The following PPP2R2B variants were observed in gnomAD, a reference collection of about 807,000 sequenced individuals.
PPP2R2B encodes the protein serine/threonine-protein phosphatase 2A 55 kDa regulatory subunit B beta isoform.
PPP2R2B carries 5 observed loss-of-function variants against 46.0 expected under a neutral mutation model. The ratio of observed to expected loss-of-function variants is 0.11; its 90% CI spans 0.06 to 0.23. PPP2R2B has a LOEUF of 0.23. PPP2R2B is among the 10% of genes least tolerant of loss of function. The probability of loss-of-function intolerance (pLI) is 1.00; values close to 1 mark genes in which losing one functional copy is unlikely to be tolerated. For synonymous variants in PPP2R2B, 215 were observed against 206.7 expected (o/e 1.04, Z -0.34); for missense variants, 367 against 575.0 (o/e 0.64, Z 3.70).
intron 2 of PPP2R2B, among the ~76,000 whole-genome samples, chr5:146,874,573 A>G (rs1761791224): frequency 2.6e-5 from 4 of 152,194 alleles, no homozygotes; most frequent in Middle Eastern, 3.2e-3. Context: ...TTCTATTGTT[A>G]TTCCCACTTT....
rs1251652409 is a variant in PPP2R2B, at chr5:146,958,328, A to T, written c.79+97337T>A. Among the ~76,000 whole-genome samples the T allele has an allele frequency of 2.0e-5, 3 of 152,254 alleles. No individual in the cohort carries two copies. In the East Asian group the frequency reaches 5.8e-4, roughly 29 times the overall value. On this transcript the variant is annotated intron_variant, in intron 1 of 8. Transcript: ENST00000336640. ...TTCACACCAAAGCCTTCAATCCCAG[A>T]GAGATCTTTCCATTCCATTTTTGAA... is the stretch of plus-strand genomic sequence containing the variant.
Position 146,878,549 on chromosome 5 carries a change from G to A in PPP2R2B, c.-125+42C>T, listed in dbSNP as rs896110444. On this transcript the variant is annotated intron_variant, in intron 1 of 9. Transcript: ENST00000394411. The surrounding 1 kb of genome is among the most constrained non-coding windows in gnomAD (Gnocchi z 4.5). Reference sequence around the variant, plus strand: ...GACAAAATGGTGCCTTTCTGGACCCGAGCTGCAGTGGCGAGATGGCAGGGA... The same window carrying A: ...GACAAAATGGTGCCTTTCTGGACCCAAGCTGCAGTGGCGAGATGGCAGGGA... 2.9e-5 allele frequency: 36 copies of A among 1,258,144 alleles called. No homozygotes were observed. Among genetic ancestry groups the A allele is most frequent in the Non-Finnish European group, 3.5e-5 (34 of 982,570 alleles). The allele number at this position is 1,258,144 out of a possible 1,614,324, so 77.9% of individuals were successfully genotyped here.
intron 2 of PPP2R2B, among the ~76,000 whole-genome samples, chr5:146,849,256 A>G (rs542097859): frequency 3.3e-5 from 5 of 152,278 alleles, no homozygotes; most frequent in Admixed American, 1.3e-4. Flanking sequence ...TGTGCATATA[A>G]CCCTATGTAT....
chr5:146,609,556 G>A (rs1423370448), intron 7 of PPP2R2B, among the ~76,000 whole-genome samples: 2 of 151,776 alleles, frequency 1.3e-5, no homozygotes, highest in Non-Finnish European at 1.5e-5. Context: ...GAAGACGGGT[G>A]ATTTCTGCAT....
intron 2 of PPP2R2B, among the ~76,000 whole-genome samples, chr5:146,779,333 C>T (rs1027012763): frequency 2.0e-5 from 3 of 152,146 alleles, no homozygotes; most frequent in African/African-American, 7.2e-5. Context: ...AAACGGATTA[C>T]TCTGCTGGCG....
Position 146,979,639 on chromosome 5 carries a change from C to T in PPP2R2B, c.79+76026G>A, listed in dbSNP as rs867561437. Among the ~76,000 whole-genome samples, 21 of 151,934 alleles carry T rather than the reference C, an allele frequency of 1.4e-4. No homozygotes were observed. In the South Asian group the frequency reaches 4.4e-3, roughly 32 times the overall value. On this transcript the variant is annotated intron_variant, in intron 1 of 8. Transcript: ENST00000336640. ...TCCACAGGGGATACGTTCCAAGACCCCCAGTAAATGCCTGAAACCACAGAT... is the reference window on the plus strand; with the variant it reads ...TCCACAGGGGATACGTTCCAAGACCTCCAGTAAATGCCTGAAACCACAGAT...
At chr5:146,848,726 C>T (rs142502065) in intron 2 of PPP2R2B, among the ~76,000 whole-genome samples, 1 of 152,126 alleles carries the variant, frequency 6.6e-6, no homozygotes, top group East Asian at 1.9e-4. Context: ...TACTCTGCAC[C>T]CTTAGAAAGA....
rs534971248 is a variant in PPP2R2B at position 147,051,670 on chromosome 5, G to A, written c.79+3995C>T. ...AGATAACAATAACAGGCCCTCCAGT[G>A]CCTGGTGCCAAATTAGGTCCACCAG... On this transcript the variant is annotated intron_variant, in intron 1 of 8. Coordinates refer to the PPP2R2B transcript ENST00000336640. Among the ~76,000 whole-genome samples the A allele has an allele frequency of 5.8e-4, 88 of 151,274 alleles. No homozygotes were observed. In the Middle Eastern group the frequency reaches 0.011, roughly 18 times the overall value.
chr5:146,802,019 G>A (rs1249951851), intron 2 of PPP2R2B, among the ~76,000 whole-genome samples: 3 of 152,030 alleles, frequency 2.0e-5, no homozygotes, highest in Non-Finnish European at 4.4e-5. Context: ...CTGTGTCCTC[G>A]GCTGGGTCCA....
chr5:146,909,327 A>T (rs995114920), intron 1 of PPP2R2B, among the ~76,000 whole-genome samples: 4 of 152,134 alleles, frequency 2.6e-5, no homozygotes, highest in African/African-American at 9.7e-5. Flanking sequence ...TGCTTCTGGG[A>T]TATTCTTGGA....
intron 6 of PPP2R2B, among the ~76,000 whole-genome samples, chr5:146,644,234 C>CAAAAAAAAAAAAAAA: frequency 1.6e-5 from 1 of 60,660 alleles, no homozygotes; most frequent in Non-Finnish European, 3.0e-5. Flanking sequence ...AGGAAAGTTT[C>CAAAAAAAAAAAAAAA]AAAAAAAAAA....
chr5:146,895,631 C>T (rs750309853), intron 1 of PPP2R2B, among the ~76,000 whole-genome samples: 1 of 152,170 alleles, frequency 6.6e-6, no homozygotes, highest in African/African-American at 2.4e-5. Flanking sequence ...TAACTGATTT[C>T]TTTCCCCAGT....
intron 1 of PPP2R2B, among the ~76,000 whole-genome samples, chr5:147,029,231 G>A (rs774323441): frequency 6.6e-6 from 1 of 151,890 alleles, no homozygotes; most frequent in African/African-American, 2.4e-5. Context: ...CCTACCTAAG[G>A]TTGTCAATAT....
intron 1 of PPP2R2B, among the ~76,000 whole-genome samples, chr5:146,938,998 C>T (rs1764243587): frequency 6.6e-6 from 1 of 151,954 alleles, no homozygotes; most frequent in African/African-American, 2.4e-5. Flanking sequence ...CCAGGCTGGT[C>T]TCGAACTCCT....
chr5:146,818,210 G>A (rs1407693431), intron 2 of PPP2R2B, among the ~76,000 whole-genome samples: 3 of 152,036 alleles, frequency 2.0e-5, no homozygotes, highest in Non-Finnish European at 4.4e-5. Flanking sequence ...TAAACTCTAC[G>A]AGGGCATGGA....
intron 5 of PPP2R2B, among the ~76,000 whole-genome samples, chr5:146,664,190 C>T (rs914884538): frequency 6.6e-6 from 1 of 152,188 alleles, no homozygotes; most frequent in African/African-American, 2.4e-5. Flanking sequence ...TATCGATCGA[C>T]TCTTCCTTTC....
intron 2 of PPP2R2B, among the ~76,000 whole-genome samples, chr5:146,867,123 G>T (rs1417510943): frequency 2.0e-5 from 3 of 152,174 alleles, no homozygotes; most frequent in Non-Finnish European, 4.4e-5. Flanking sequence ...AAAGTCAGTT[G>T]AAGAATTTCA....
At chr5:146,750,237 C>G (rs1427697329) in intron 2 of PPP2R2B, among the ~76,000 whole-genome samples, 1 of 152,116 alleles carries the variant, frequency 6.6e-6, no homozygotes, top group Non-Finnish European at 1.5e-5. Flanking sequence ...ACTGATTCTT[C>G]CCAGTTTATT....
At chr5:146,914,844 A>G (rs868569500) in intron 1 of PPP2R2B, among the ~76,000 whole-genome samples, 1 of 152,272 alleles carries the variant, frequency 6.6e-6, no homozygotes, top group Middle Eastern at 3.4e-3. Context: ...GTGTGGTACA[A>G]TTTAGGGCCA....
Sources: allele counts gnomAD v4.1 joint callset (sites outside exome capture counted in the v4.1 genomes callset), GRCh38; gene constraint gnomAD v4.1.1; non-coding constraint Gnocchi (gnomAD v3.1); transcripts MANE v1.5; gene names NCBI Gene and HGNC (gene_info 2026-07-23, HGNC 2026-07-21).